The following CFAP70 variants were observed in gnomAD, a reference collection of about 807,000 sequenced individuals.
CFAP70 encodes cilia- and flagella-associated protein 70.
A neutral mutation model predicts 137.6 loss-of-function variants in CFAP70; 81 were observed. The observed-to-expected ratio is 0.59, with a 90% CI of 0.49 to 0.71. The LOEUF (loss-of-function observed/expected upper bound fraction) is 0.71. CFAP70 is among the 30% of genes least tolerant of loss of function. The pLI is 0.00. For synonymous variants in CFAP70, 382 were observed against 423.6 expected, an observed-to-expected ratio of 0.90 and a Z score of 1.20; for missense variants, 976 against 1,226.7, an observed-to-expected ratio of 0.80 and a Z score of 3.05.
chr10:73,349,599 T>C (rs2054030577), intron 3 of CFAP70, among the ~76,000 whole-genome samples: 1 of 152,068 alleles, frequency 6.6e-6, no homozygotes, highest in Non-Finnish European at 1.5e-5. Flanking sequence ...TAGATCCCCC[T>C]ATATTGCCTA....
chr10:73,281,938 C>T (rs2047285814), intron 19 of CFAP70, among the ~76,000 whole-genome samples: 1 of 152,202 alleles, frequency 6.6e-6, no homozygotes, highest in Non-Finnish European at 1.5e-5. Context: ...GGAAGCTAAA[C>T]ACTGGGTACT....
rs925291111 is a variant in CFAP70, at chr10:73,341,977, C to T, written c.400-396G>A. ...CCCTCATTAATTAGTTAAATAAAAT[C>T]TTGGACCAAATTCTGTGTTATTTAT... is the stretch of plus-strand genomic sequence containing the variant. On this transcript the variant is annotated intron_variant, in intron 5 of 26. Transcript: ENST00000310715. 6.6e-5 allele frequency among the ~76,000 whole-genome samples: 10 copies of T among 152,162 alleles called. No homozygotes were observed. The East Asian group carries it at 1.9e-3, about 29-fold the overall frequency.
intron 14 of CFAP70, among the ~76,000 whole-genome samples, 192 bp downstream of exon 15, chr10:73,298,715 T>C (rs1197320371): frequency 6.6e-6 from 1 of 152,134 alleles, no homozygotes; most frequent in Non-Finnish European, 1.5e-5. Context: ...TCAGAATATA[T>C]GTAATAATTT....
chr10:73,315,292 C>T (rs2050250750), intron 9 of CFAP70, among the ~76,000 whole-genome samples: 1 of 150,524 alleles, frequency 6.6e-6, no homozygotes, highest in Admixed American at 6.6e-5. Flanking sequence ...GAGCATGATT[C>T]AGTGATTTGG....
intron 8 of CFAP70, among the ~76,000 whole-genome samples, chr10:73,326,948 A>G (rs2051504643): frequency 1.3e-5 from 2 of 151,594 alleles, no homozygotes; most frequent in South Asian, 2.1e-4. Flanking sequence ...AACTATTCCA[A>G]TCAATAGAAA....
intron 16 of CFAP70, among the ~76,000 whole-genome samples, chr10:73,292,287 C>T (rs2048234143): frequency 6.6e-6 from 1 of 152,112 alleles, no homozygotes; most frequent in African/African-American, 2.4e-5. Context: ...TCATCTAATA[C>T]CTTGGGAGCC....
chr10:73,351,071 G>GTGTGTA (rs1422420902), intron 3 of CFAP70, among the ~76,000 whole-genome samples: 42 of 31,382 alleles, frequency 1.3e-3, no homozygotes, highest in South Asian at 2.7e-3. Context: ...GTGTGTGTGT[G>GTGTGTA]TATATATATA....
intron 15 of CFAP70, 49 bp from the exon 17 acceptor site, chr10:73,293,437 TAGAG>T (rs2131928858): frequency 6.7e-7 from 1 of 1,501,852 alleles, no homozygotes; most frequent in South Asian, 1.3e-5. Flanking sequence ...CAATTACAAG[TAGAG>T]AGGTTTCATA....
At chr10:73,259,123 C>T (rs922540409) in intron 25 of CFAP70, among the ~76,000 whole-genome samples, 1 of 152,180 alleles carries the variant, frequency 6.6e-6, no homozygotes, top group Admixed American at 6.5e-5. Flanking sequence ...CTTGGGGCAT[C>T]ACGGAACCTG....
chr10:73,284,331 C>T (rs530436812), intron 19 of CFAP70, among the ~76,000 whole-genome samples: 1 of 152,060 alleles, frequency 6.6e-6, no homozygotes, highest in Non-Finnish European at 1.5e-5. Context: ...CATATAAGGA[C>T]CCTTGTGGTT....
At position 73,275,700 on chromosome 10, in the gene CFAP70, A is replaced by T. The variant is rs1431720987; in HGVS notation, c.2521-102T>A. On this transcript the variant is annotated intron_variant, in intron 21 of 26. Transcript: ENST00000310715. The surrounding 1 kb of genome is among the most constrained non-coding windows in gnomAD (Gnocchi z 4.0). ...GATAATAAATAATACGAAATGTATT[A>T]CAGAATGAAATAATTATCCTCAACT... 1 of 1,045,538 alleles carries T rather than the reference A, an allele frequency of 9.6e-7. No individual in the cohort carries two copies. The highest frequency in any genetic ancestry group is 1.3e-6 in the Non-Finnish European group (1 of 758,194). 64.8% of individuals were successfully genotyped at this position (1,045,538 alleles called of 1,614,324 possible).
chr10:73,334,880 G>GT (rs369007041), intron 7 of CFAP70, among the ~76,000 whole-genome samples: 12,274 of 128,576 alleles, frequency 0.095, 867 homozygotes, highest in East Asian at 0.31. Flanking sequence ...ACCTGGCCGA[G>GT]TTTTTTTTTT....
intron 9 of CFAP70, among the ~76,000 whole-genome samples, chr10:73,319,340 T>A (rs1040247507): frequency 3.9e-5 from 6 of 152,104 alleles, no homozygotes; most frequent in African/African-American, 1.4e-4. Flanking sequence ...CTGGGGTGCT[T>A]GGAGAAAGTC....
upstream of CFAP70, among the ~76,000 whole-genome samples, chr10:73,359,158 T>C (rs1188063173): frequency 2.0e-5 from 3 of 152,218 alleles, no homozygotes; most frequent in Non-Finnish European, 2.9e-5. Flanking sequence ...GAGTGCAAAA[T>C]GACCCTGCTT....
chr10:73,334,584 CTTTT>C (rs58264194), intron 7 of CFAP70, among the ~76,000 whole-genome samples: 1 of 142,314 alleles, frequency 7.0e-6, no homozygotes, highest in Non-Finnish European at 1.5e-5. Context: ...ATTCTGGACT[CTTTT>C]TTTTTTTTTT....
chr10:73,268,901 G>A (rs2046006507), intron 25 of CFAP70, among the ~76,000 whole-genome samples: 1 of 151,968 alleles, frequency 6.6e-6, no homozygotes, highest in African/African-American at 2.4e-5. Flanking sequence ...TCCCCAGGCT[G>A]GTCTTGAACT....
chr10:73,275,535 AAT>A lies in CFAP70; in HGVS notation c.2582_2583del (p.Tyr861LeufsTer11). 1 of 1,611,788 alleles carries A rather than the reference AAT, an allele frequency of 6.2e-7. No homozygotes were observed. Among genetic ancestry groups the A allele is most frequent in the Non-Finnish European group, 8.5e-7 (1 of 1,179,174 alleles). On this transcript the variant is annotated frameshift_variant, in exon 22 of 27. Coordinates refer to ENST00000310715, the Ensembl canonical transcript of CFAP70. LOFTEE classifies it high-confidence loss of function. The surrounding 1 kb of genome is among the most constrained non-coding windows in gnomAD (Gnocchi z 4.0). Reference sequence around the variant, plus strand: ...ATGTGTGTTTGGGCCAGCACCAAGTAATATTCACAGCTGGGGCCTCCTTGAGG... The same window carrying A: ...ATGTGTGTTTGGGCCAGCACCAAGTAATTCACAGCTGGGGCCTCCTTGAGG...
chr10:73,342,270 G>A (rs2053316552), intron 5 of CFAP70, among the ~76,000 whole-genome samples: 1 of 152,080 alleles, frequency 6.6e-6, no homozygotes, highest in African/African-American at 2.4e-5. Context: ...CAGGCAAGGT[G>A]GCTTAATGCC....
chr10:73,331,588 GGGAGGATGGCTTGAGCTCA>G (rs1400372089), intron 7 of CFAP70, among the ~76,000 whole-genome samples: 1 of 152,096 alleles, frequency 6.6e-6, no homozygotes, highest in African/African-American at 2.4e-5. Context: ...AGGCTGAGGT[GGGAGGATGGCTTGAGCTCA>G]GGAGGTCAAG....
Sources: allele counts gnomAD v4.1 joint callset (sites outside exome capture counted in the v4.1 genomes callset), GRCh38; gene constraint gnomAD v4.1.1; non-coding constraint Gnocchi (gnomAD v3.1); transcripts MANE v1.5; gene names NCBI Gene and HGNC (gene_info 2026-07-23, HGNC 2026-07-21).